Variants in THADA observed in about 807,000 individuals in gnomAD.
THADA encodes THADA armadillo repeat containing.
In THADA, 213 loss-of-function variants were observed where a neutral mutation model predicts 219.8. That is an observed-to-expected ratio of 0.97 (90% CI 0.87 to 1.09). THADA has a LOEUF of 1.09. Among genes scored for constraint, THADA ranks in the 50% least tolerant of loss-of-function variants. The pLI, the probability that THADA is intolerant of heterozygous loss-of-function variation, is 0.00. For missense variants in THADA, 2,956 were observed against 2,311.3 expected (o/e 1.28, Z -5.72); for synonymous variants, 1,018 against 828.9 (o/e 1.23, Z -3.92).
At chr2:43,411,271 A>G (rs1676270705) in intron 28 of THADA, among the ~76,000 whole-genome samples, 2 of 152,228 alleles carry the variant, frequency 1.3e-5, no homozygotes, top group African/African-American at 2.4e-5. Flanking sequence ...GCTAGTTGCA[A>G]AAATGAGTGT....
chr2:43,375,138 T>G (rs559637607), intron 29 of THADA, among the ~76,000 whole-genome samples: 5 of 152,322 alleles, frequency 3.3e-5, no homozygotes, highest in African/African-American at 1.2e-4. Context: ...AATTTGTACA[T>G]GTAACATCTC....
chr2:43,275,557 T>C (rs936660292), intron 36 of THADA, among the ~76,000 whole-genome samples: 2 of 152,146 alleles, frequency 1.3e-5, no homozygotes, highest in African/African-American at 2.4e-5. Flanking sequence ...CCTCCTGATC[T>C]AGCCATCCTT....
chr2:43,365,956 T>C (rs1670099655), intron 29 of THADA, among the ~76,000 whole-genome samples: 1 of 152,170 alleles, frequency 6.6e-6, no homozygotes, highest in Non-Finnish European at 1.5e-5. Flanking sequence ...TTTGAGGCAA[T>C]AACATATAAT....
Position 43,359,406 on chromosome 2 carries a change from G to A in THADA, c.4228-15169C>T, listed in dbSNP as rs142184677. On this transcript the variant is annotated intron_variant, in intron 29 of 37. Transcript: ENST00000405975. ...TCAAAAAACCTTTTCATGGCTGGGTGTGGTGGCTCATGCCGGTAATCCCAG... is the reference window on the plus strand; with the variant it reads ...TCAAAAAACCTTTTCATGGCTGGGTATGGTGGCTCATGCCGGTAATCCCAG... Among the ~76,000 whole-genome samples the A allele has an allele frequency of 1.9e-4, 29 of 152,352 alleles. 2 individuals are homozygous for A. In the East Asian group the frequency reaches 5.6e-3, roughly 29 times the overall value.
intron 28 of THADA, among the ~76,000 whole-genome samples, chr2:43,408,118 T>C (rs1377000236): frequency 6.6e-6 from 1 of 152,196 alleles, no homozygotes; most frequent in African/African-American, 2.4e-5. Context: ...GGAAGGCAAA[T>C]TAGTCACCAG....
chr2:43,239,491 C>T (rs1386564997), intron 36 of THADA, among the ~76,000 whole-genome samples: 1 of 152,258 alleles, frequency 6.6e-6, no homozygotes, highest in Non-Finnish European at 1.5e-5. Context: ...GGCAGGTAGA[C>T]AGGTAAGTCA....
rs942728111 is a variant in THADA, at chr2:43,535,128, C to A, written c.3264+6031G>T. ...AACATTTTTTCATATATTTGTTCGT[C>A]ATTTCTGTTTTTGAGAAATGTCTGT... On this transcript the variant is annotated intron_variant, in intron 21 of 37. Coordinates refer to ENST00000405975, the MANE Select transcript of THADA (RefSeq NM_022065.5). 2.7e-5 allele frequency among the ~76,000 whole-genome samples: 3 copies of A among 111,092 alleles called. No individual in the cohort carries two copies. In the East Asian group the frequency reaches 8.8e-4, roughly 32 times the overall value. The allele number at this position is 111,092 out of a possible 152,430, so 72.9% of individuals were successfully genotyped here.
intron 36 of THADA, among the ~76,000 whole-genome samples, chr2:43,247,152 G>A (rs1283782091): frequency 6.6e-6 from 1 of 152,204 alleles, no homozygotes; most frequent in Non-Finnish European, 1.5e-5. Flanking sequence ...CTTCAGTGGA[G>A]AAGCTGGGAG....
intron 31 of THADA, among the ~76,000 whole-genome samples, chr2:43,305,474 G>A (rs988955982): frequency 6.6e-6 from 1 of 152,164 alleles, no homozygotes; most frequent in African/African-American, 2.4e-5. Flanking sequence ...TGCTTACACA[G>A]GTGTGGCCCC....
intron 20 of THADA, among the ~76,000 whole-genome samples, chr2:43,545,902 T>C (rs1695967796): frequency 6.6e-6 from 1 of 152,180 alleles, no homozygotes; most frequent in Admixed American, 6.5e-5. Context: ...TAGTTATTTC[T>C]TGCCTTCTGC....
intron 12 of THADA, 112 bp downstream of exon 12, chr2:43,572,702 C>G: frequency 1.1e-6 from 1 of 905,174 alleles, no homozygotes; most frequent in East Asian, 2.9e-5. Context: ...TACTCATTCT[C>G]TTTATGAACT....
At chr2:43,537,085 T>C (rs1694704762) in intron 21 of THADA, among the ~76,000 whole-genome samples, 1 of 152,214 alleles carries the variant, frequency 6.6e-6, no homozygotes, top group African/African-American at 2.4e-5. Context: ...CAGTTAATGT[T>C]TTAAACTGTA....
intron 29 of THADA, among the ~76,000 whole-genome samples, chr2:43,367,118 T>C (rs1362427196): frequency 6.6e-6 from 1 of 152,170 alleles, no homozygotes; most frequent in Non-Finnish European, 1.5e-5. Context: ...TTATATGAGG[T>C]ACCAAAGTAG....
intron 36 of THADA, among the ~76,000 whole-genome samples, chr2:43,259,460 T>C (rs1227125302): frequency 6.6e-6 from 1 of 152,250 alleles, no homozygotes; most frequent in African/African-American, 2.4e-5. Context: ...CACGCATTTA[T>C]GCTCCTTGCC....
At chr2:43,336,189 T>G (rs982835774) in intron 30 of THADA, among the ~76,000 whole-genome samples, 31 of 151,470 alleles carry the variant, frequency 2.0e-4, no homozygotes, top group Non-Finnish European at 5.9e-5. Flanking sequence ...AGCCCAGGAG[T>G]TCAAGGCTGC....
chr2:43,581,819 G>T lies in THADA; in HGVS notation c.643C>A (p.Leu215Ile). The change falls in exon 8 of 38, where the codon CTT becomes ATT. Residue 215 changes from leucine (L) to isoleucine (I), a missense_variant. Transcript: ENST00000405975. The part of the protein sequence containing the change: ...VQKVQDFQGN[L>I]WKTSDSPIWQ... ...ATGGGAGAATCGGAAGTCTTCCAAA[G>T]ATTTCCCTGGAAATCTTGTACTTTC... The T allele has an allele frequency of 6.2e-7, 1 of 1,612,802 alleles. No homozygotes were observed. Among genetic ancestry groups the T allele is most frequent in the Non-Finnish European group, 8.5e-7 (1 of 1,179,644 alleles).
At chr2:43,295,878 C>G (rs1398369440) in intron 31 of THADA, among the ~76,000 whole-genome samples, 1 of 150,958 alleles carries the variant, frequency 6.6e-6, no homozygotes, top group East Asian at 1.9e-4. Flanking sequence ...GATGGGACCC[C>G]AGGGAGGCCA....
chr2:43,282,410 G>T (rs1673468260), intron 35 of THADA, among the ~76,000 whole-genome samples: 1 of 152,122 alleles, frequency 6.6e-6, no homozygotes, highest in African/African-American at 2.4e-5. Context: ...ACCCTTTATT[G>T]GTCTGAACTC....
intron 29 of THADA, among the ~76,000 whole-genome samples, chr2:43,344,772 T>G (rs1409612042): frequency 1.3e-5 from 2 of 152,122 alleles, no homozygotes; most frequent in Admixed American, 6.5e-5. Flanking sequence ...TTTTTTGTTT[T>G]TTTTTTTTAG....
Sources: allele counts gnomAD v4.1 joint callset (sites outside exome capture counted in the v4.1 genomes callset), GRCh38; gene constraint gnomAD v4.1.1; transcripts MANE v1.5; gene names NCBI Gene and HGNC (gene_info 2026-07-23, HGNC 2026-07-21).